Variants in RABL6 observed in about 807,000 individuals in gnomAD.
RABL6 encodes rab-like protein 6.
In RABL6, 28 loss-of-function variants were observed where a neutral mutation model predicts 72.9. The ratio of observed to expected loss-of-function variants is 0.38; its 90% confidence interval spans 0.28 to 0.53. The LOEUF is 0.53. Among genes scored for constraint, RABL6 ranks in the 20% least tolerant of loss-of-function variants. The pLI, the probability that RABL6 is intolerant of heterozygous loss-of-function variation, is 0.80. For missense variants in RABL6, 1,029 were observed against 1,008.4 expected, an observed-to-expected ratio of 1.02 and a Z score of -0.28; for synonymous variants, 477 against 421.2, an observed-to-expected ratio of 1.13 and a Z score of -1.62.
chr9:136,837,681 C>G lies in RABL6; in HGVS notation c.1126+19C>G. The stretch of plus-strand genomic sequence containing the variant: ...CCTCCAGGTAGGCCCTGGAGCTGCC[C>G]CTCCCAAACTGGTCCCAGACCCCCA... On this transcript the variant is annotated intron_variant, in intron 9 of 14. Coordinates refer to ENST00000311502, the MANE Select transcript of RABL6 (RefSeq NM_024718.5). 3 of 1,563,440 alleles carry G rather than the reference C, an allele frequency of 1.9e-6. No homozygotes were observed. Among genetic ancestry groups the G allele is most frequent in the Non-Finnish European group, 2.6e-6 (3 of 1,155,130 alleles).
intron 8 of RABL6, 42 bp downstream of exon 8, chr9:136,835,887 C>T (rs886394068): frequency 1.2e-5 from 19 of 1,522,368 alleles, no homozygotes; most frequent in East Asian, 2.5e-5. Flanking sequence ...GTGGGGGCTG[C>T]GGGCGTGGCC....
chr9:136,830,747 C>T (rs1295294708), intron 5 of RABL6, among the ~76,000 whole-genome samples: 2 of 152,246 alleles, frequency 1.3e-5, no homozygotes, highest in African/African-American at 2.4e-5. Context: ...GCGGGAGTGA[C>T]AGCGAGACTT....
chr9:136,840,500 G>A lies in RABL6; in HGVS notation c.2168G>A (p.Gly723Asp), dbSNP rs1339887120. The A allele has an allele frequency of 1.6e-5, 25 of 1,529,758 alleles. No individual in the cohort carries two copies. The highest frequency in any genetic ancestry group is 2.1e-5 in the Admixed American group (1 of 46,522). The allele number at this position is 1,529,758 out of a possible 1,614,324, so 94.8% of individuals were successfully genotyped here. A position where few individuals can be genotyped will look rare whatever the true frequency, so the allele number is the denominator to read the frequency against. The part of the protein sequence containing the change: ...GGAPGGRHPG[G>D]GDYEEL ...GCCCCGGGCGGCCGCCACCCTGGGG[G>A]TGGCGACTACGAGGAGCTCTAGGCC... Residue 723 changes from glycine to aspartate, a missense_variant, in exon 15 of 15, where the codon GGT (glycine) becomes GAT (aspartate). By Grantham distance (94) the Gly-to-Asp change is moderately conservative. Coordinates refer to ENST00000311502, the MANE Select transcript of RABL6 (RefSeq NM_024718.5).
In RABL6 at chr9:136,826,305, T is replaced by C. The variant is rs1417689468; in HGVS notation, c.313+479T>C. Among the ~76,000 whole-genome samples, 1 of 152,080 alleles carries C rather than the reference T, an allele frequency of 6.6e-6. No homozygotes were observed. Among genetic ancestry groups the C allele is most frequent in the Non-Finnish European group, 1.5e-5 (1 of 67,994 alleles). ...AGCCCCCGGGGTGTCCTCGACATCG[T>C]TGGTCTCCTCCTCAGCCACAAGGTC... On this transcript the variant is annotated intron_variant, in intron 3 of 14. Transcript: ENST00000311502. This position sits in a 1 kb window ranked among gnomAD's most constrained non-coding sequence, Gnocchi z 4.9.
intron 1 of RABL6, 115 bp downstream of exon 1, chr9:136,808,441 G>A: frequency 5.2e-6 from 6 of 1,149,928 alleles, no homozygotes; most frequent in Non-Finnish European, 6.6e-6. Context: ...TGTGGGGTGC[G>A]CTGGGCCCGC....
intron 7 of RABL6, chr9:136,834,205 A>G: frequency 2.5e-6 from 3 of 1,220,868 alleles, no homozygotes; most frequent in Non-Finnish European, 3.1e-6. Flanking sequence ...TTTCAAACAC[A>G]TCTCTAAAAA....
intron 10 of RABL6, among the ~76,000 whole-genome samples, chr9:136,838,586 C>T (rs900887564): frequency 2.6e-5 from 4 of 152,252 alleles, no homozygotes; most frequent in African/African-American, 9.6e-5. Context: ...GCAGCGGCTT[C>T]CTCCAGAAAT....
chr9:136,839,553 G>A, intron 12 of RABL6, 67 bp downstream of exon 12: 4 of 1,565,270 alleles, frequency 2.6e-6, no homozygotes, highest in Non-Finnish European at 3.5e-6. Context: ...GGCCTGATCT[G>A]GGTGGGTGCA....
intron 7 of RABL6, chr9:136,834,003 C>CGG: frequency 6.6e-7 from 1 of 1,504,524 alleles, no homozygotes; most frequent in African/African-American, 1.4e-5. Context: ...AGGGAGAGAA[C>CGG]GGGACCCTGG....
intron 1 of RABL6, among the ~76,000 whole-genome samples, chr9:136,817,592 C>T (rs1444012770): frequency 2.0e-5 from 3 of 151,850 alleles, no homozygotes; most frequent in Admixed American, 6.6e-5. Context: ...CCGACGTGGG[C>T]TGAGGGGAGG....
Position 136,838,913 on chromosome 9 carries a change from G to A in RABL6, c.1285G>A (p.Gly429Arg), listed in dbSNP as rs139352186. 1.9e-6 allele frequency: 3 copies of A among 1,588,008 alleles called. No individual in the cohort carries two copies. The highest frequency in any genetic ancestry group is 1.3e-5 in the African/African-American group (1 of 74,704). The change falls in exon 11 of 15, where the codon GGG (glycine) becomes AGG (arginine). Residue 429 changes from glycine to arginine, a missense_variant. Around this residue, in one of 2 missense-constraint regions of RABL6, gnomAD observed 595 missense variants for 472.4 expected, o/e 1.26. Transcript: ENST00000311502. ...KAAQQDSDSD[G>R]EALGGNPMVA... Reference sequence around the variant, plus strand: ...GCTTTGCCCCCTGCTTTGCAGTGATGGGGAGGCCCTGGGCGGCAACCCGAT... The same window carrying A: ...GCTTTGCCCCCTGCTTTGCAGTGATAGGGAGGCCCTGGGCGGCAACCCGAT...
At chr9:136,834,024 G>A (rs1220949685) in intron 7 of RABL6, 1 of 1,476,876 alleles carries the variant, frequency 6.8e-7, no homozygotes, top group African/African-American at 1.4e-5. Flanking sequence ...ACAGAGTCTT[G>A]AGCTGGAAGC....
At position 136,835,735 on chromosome 9, in the gene RABL6, T is replaced by G. The variant is rs886427882; in HGVS notation, c.706-7T>G. On this transcript the variant is annotated splice_region_variant and splice_polypyrimidine_tract_variant and intron_variant, in intron 7 of 14. Coordinates refer to ENST00000311502, the MANE Select transcript of RABL6 (RefSeq NM_024718.5). ...CCTGCTCAGGCCTGCGTGCTCCCTT[T>G]CTGCAGAGGGAGACGCTGTTGCGGC... is the stretch of plus-strand genomic sequence containing the variant. 2.6e-6 allele frequency: 4 copies of G among 1,548,302 alleles called. No homozygotes were observed. The Admixed American group carries it at 7.8e-5, about 30-fold the overall frequency.
chr9:136,821,883 G>C (rs992675760), intron 1 of RABL6: 2 of 1,269,506 alleles, frequency 1.6e-6, no homozygotes, highest in African/African-American at 3.1e-5. Context: ...GCCCCCAGCC[G>C]GTGCGGCCGC....
At chr9:136,825,947 G>A (rs1391206421) in intron 3 of RABL6, 121 bp downstream of exon 3, 1 of 1,211,604 alleles carries the variant, frequency 8.3e-7, no homozygotes, top group Non-Finnish European at 1.2e-6. Context: ...GGTGCCCAGG[G>A]TCTTGCTGCT....
chr9:136,832,298 G>A lies in RABL6; in HGVS notation c.633G>A (p.Glu211=), dbSNP rs1486534192. The stretch of plus-strand genomic sequence containing the variant: ...GTTCCTCCTACTTCCGCTATGCTGA[G>A]TCTTCCATGAAGAACAGCTTCGGCC... The part of the protein sequence containing the change: ...PPGSSYFRYA[E]SSMKNSFGLK... Residue 211 remains glutamate, a synonymous_variant, in exon 7 of 15, where the codon GAG becomes GAA. Transcript: ENST00000311502. 1 of 1,613,908 alleles carries A rather than the reference G, an allele frequency of 6.2e-7. No individual in the cohort carries two copies. Among genetic ancestry groups the A allele is most frequent in the Non-Finnish European group, 8.5e-7 (1 of 1,179,828 alleles).
rs369734105 is a variant in RABL6, at chr9:136,839,037, C to T, written c.1409C>T (p.Ser470Leu). 7.6e-5 allele frequency: 122 copies of T among 1,612,370 alleles called. 1 individual carries two copies. The highest frequency in any genetic ancestry group is 1.7e-4 in the Middle Eastern group (1 of 5,938). Residue 470 changes from serine (S) to leucine (L), a missense_variant, in exon 11 of 15, where the codon TCG (serine) becomes TTG (leucine). Physicochemically the swap from Ser to Leu is moderately radical, Grantham distance 145. Around this residue, in one of 2 missense-constraint regions of RABL6, gnomAD observed 595 missense variants for 472.4 expected, o/e 1.26. Transcript: ENST00000311502. ...GPVPSQDITL[S>L]SEEEAEVAAP... is the part of the protein sequence containing the mutation. The stretch of plus-strand genomic sequence containing the variant: ...GTCCCCAGTCAAGACATCACTCTTT[C>T]GAGTGAGGAGGAAGCAGAAGTGGCA...
chr9:136,828,700 A>G (rs1564366605), intron 4 of RABL6, among the ~76,000 whole-genome samples, 154 bp downstream of exon 4: 1 of 152,064 alleles, frequency 6.6e-6, no homozygotes, highest in Non-Finnish European at 1.5e-5. Flanking sequence ...AAAACCCCAC[A>G]CTGCCATGGC....
At chr9:136,814,328 C>T (rs148465105) in intron 1 of RABL6, 2,977 of 168,190 alleles carry the variant, frequency 0.018, 41 homozygotes, top group Non-Finnish European at 0.027. Flanking sequence ...ACTACAGGCA[C>T]GCACCACTAC....
Sources: allele counts gnomAD v4.1 joint callset (sites outside exome capture counted in the v4.1 genomes callset), GRCh38; gene constraint gnomAD v4.1.1; regional missense constraint gnomAD v4.1.1; non-coding constraint Gnocchi (gnomAD v3.1); transcripts MANE v1.5; gene names NCBI Gene and HGNC (gene_info 2026-07-23, HGNC 2026-07-21).